JAKMIP1: variants seen among roughly 807,000 people sequenced by gnomAD.
JAKMIP1 encodes janus kinase and microtubule interacting protein 1.
Under a neutral mutation model 113.0 loss-of-function variants are expected in JAKMIP1, and 33 were observed. That is an observed-to-expected ratio of 0.29 (90% CI 0.22 to 0.39). JAKMIP1 has a LOEUF of 0.39. Among genes scored for constraint, JAKMIP1 ranks in the 10% least tolerant of loss-of-function variants. The pLI is 1.00. For synonymous variants in JAKMIP1, 480 were observed against 459.9 expected, an observed-to-expected ratio of 1.04 and a Z score of -0.56; for missense variants, 813 against 1,080.5, an observed-to-expected ratio of 0.75 and a Z score of 3.47.
In JAKMIP1 at chr4:6,183,070, C is replaced by A. The variant is rs1168749796; in HGVS notation, c.-148+17183G>T. Among the ~76,000 whole-genome samples the A allele has an allele frequency of 6.6e-6, 1 of 152,196 alleles. No individual in the cohort carries two copies. Among genetic ancestry groups the A allele is most frequent in the East Asian group, 1.9e-4 (1 of 5,188 alleles). ...AGGTCCCATCTTAGTAATACAAGGA[C>A]TCTTGAAGGTTGAGACAGAACAAAG... On this transcript the variant is annotated intron_variant, in intron 1 of 20. Coordinates refer to ENST00000409021, the MANE Select transcript of JAKMIP1 (RefSeq NM_001099433.2). The surrounding 1 kb of genome is among the most constrained non-coding windows in gnomAD (Gnocchi z 5.3).
At chr4:6,146,243 G>A (rs1464658353) in intron 1 of JAKMIP1, among the ~76,000 whole-genome samples, 3 of 131,500 alleles carry the variant, frequency 2.3e-5, no homozygotes, top group Non-Finnish European at 4.9e-5. Context: ...GGGAGGTTGC[G>A]GGGGGATGAG....
At chr4:6,122,396 G>C (rs572954694) in intron 1 of JAKMIP1, among the ~76,000 whole-genome samples, 3 of 152,262 alleles carry the variant, frequency 2.0e-5, no homozygotes, top group African/African-American at 7.2e-5. Context: ...CTTTGAAAGA[G>C]GTTAGGGTAC....
rs138117176 is a variant in JAKMIP1, at chr4:6,115,571, C to T, written c.-147-2574G>A. ...TACGGTGGAAAGGACATAGCAGCCA[C>T]GCCCCCAGGATACTGACAGGGACCA... is the stretch of plus-strand genomic sequence containing the variant. On this transcript the variant is annotated intron_variant, in intron 1 of 20. Coordinates refer to ENST00000409021, the MANE Select transcript of JAKMIP1 (RefSeq NM_001099433.2). Among the ~76,000 whole-genome samples the T allele has an allele frequency of 3.4e-3, 524 of 152,310 alleles. 4 individuals carry two copies. Among genetic ancestry groups the T allele is most frequent in the Middle Eastern group, 6.8e-3 (2 of 294 alleles).
At chr4:6,120,789 A>G (rs985230030) in intron 1 of JAKMIP1, among the ~76,000 whole-genome samples, 5 of 152,140 alleles carry the variant, frequency 3.3e-5, no homozygotes, top group African/African-American at 1.2e-4. Context: ...TGCGTCCTTT[A>G]TGGCCCAAGT....
At chr4:6,169,814 AC>A (rs1433756501) in intron 1 of JAKMIP1, among the ~76,000 whole-genome samples, 1 of 151,922 alleles carries the variant, frequency 6.6e-6, no homozygotes, top group Non-Finnish European at 1.5e-5. Context: ...TAGTGGTGGT[AC>A]CTACCTCATA....
chr4:6,198,528 G>T (rs777549080), intron 1 of JAKMIP1, among the ~76,000 whole-genome samples: 1 of 152,104 alleles, frequency 6.6e-6, no homozygotes. Context: ...TCATGCATTG[G>T]GTCCACACTG....
intron 1 of JAKMIP1, among the ~76,000 whole-genome samples, chr4:6,113,200 G>A (rs1025339170): frequency 6.6e-6 from 1 of 152,174 alleles, no homozygotes; most frequent in African/African-American, 2.4e-5. Flanking sequence ...CACCCCTAGA[G>A]AATCTGATTT....
chr4:6,115,843 C>A (rs13141355), intron 1 of JAKMIP1, among the ~76,000 whole-genome samples: 3 of 152,246 alleles, frequency 2.0e-5, no homozygotes, highest in East Asian at 3.9e-4. Context: ...CAGGATGGGG[C>A]GGCTGCAGGT....
At chr4:6,077,002 G>A (rs948846392) in intron 8 of JAKMIP1, among the ~76,000 whole-genome samples, 5 of 152,038 alleles carry the variant, frequency 3.3e-5, no homozygotes, top group South Asian at 2.1e-4. Flanking sequence ...TTTGGATTAC[G>A]GATGTTCAAC....
Position 6,181,355 on chromosome 4 carries a change from A to G in JAKMIP1, c.-148+18898T>C, listed in dbSNP as rs1725997747. Among the ~76,000 whole-genome samples the G allele has an allele frequency of 6.6e-6, 1 of 152,166 alleles. No individual in the cohort carries two copies. The highest frequency in any genetic ancestry group is 2.4e-5 in the African/African-American group (1 of 41,438). ...AGAGTAACACTAATTACAGGCCTGG[A>G]GTACATAAACCAAGATGAGCTTACT... is the stretch of plus-strand genomic sequence containing the variant. On this transcript the variant is annotated intron_variant, in intron 1 of 20. Transcript: ENST00000409021. The surrounding 1 kb of genome is among the most constrained non-coding windows in gnomAD (Gnocchi z 5.4).
rs537929459 is a variant in JAKMIP1, at chr4:6,153,478, A to C, written c.-147-40481T>G. ...GAGCCAACGGTGTTTCCCAAACCTC[A>C]GTCATCAGTTGCCGCCGCTGTGACT... On this transcript the variant is annotated intron_variant, in intron 1 of 20. Transcript: ENST00000409021. The surrounding 1 kb of genome is among the most constrained non-coding windows in gnomAD (Gnocchi z 4.9). 1.1e-4 allele frequency among the ~76,000 whole-genome samples: 16 copies of C among 152,344 alleles called. No homozygotes were observed. Among genetic ancestry groups the C allele is most frequent in the South Asian group, 2.1e-4 (1 of 4,824 alleles).
intron 5 of JAKMIP1, among the ~76,000 whole-genome samples, chr4:6,082,873 A>G (rs1017848593): frequency 6.6e-6 from 1 of 152,154 alleles, no homozygotes; most frequent in Non-Finnish European, 1.5e-5. Flanking sequence ...TATCCACACA[A>G]TGGACTACCA....
rs80319757 is a variant in JAKMIP1 at position 6,064,013 on chromosome 4, G to A, written c.1431+867C>T. On this transcript the variant is annotated intron_variant, in intron 9 of 20. Coordinates refer to ENST00000409021, the MANE Select transcript of JAKMIP1 (RefSeq NM_001099433.2). This position sits in a 1 kb window ranked among gnomAD's most constrained non-coding sequence, Gnocchi z 4.3. ...GAGGGCCAGCTGCCCCGGCATATCC[G>A]CACCCCCTTCCCACTCTTGCTCTTC... 4.6e-5 allele frequency among the ~76,000 whole-genome samples: 7 copies of A among 152,156 alleles called. No individual in the cohort carries two copies. In the East Asian group the frequency reaches 7.7e-4, roughly 17 times the overall value.
At chr4:6,105,225 G>C (rs1713700681) in intron 3 of JAKMIP1, among the ~76,000 whole-genome samples, 1 of 152,190 alleles carries the variant, frequency 6.6e-6, no homozygotes, top group Admixed American at 6.5e-5. Flanking sequence ...ACGCTATCAC[G>C]AGGCATTTGC....
At chr4:6,163,842 C>T (rs1723249660) in intron 1 of JAKMIP1, among the ~76,000 whole-genome samples, 1 of 152,200 alleles carries the variant, frequency 6.6e-6, no homozygotes. Context: ...CCAGTTACAA[C>T]ACTCCCTTAA....
rs138828034 is a variant in JAKMIP1 at position 6,172,890 on chromosome 4, G to A, written c.-148+27363C>T. Among the ~76,000 whole-genome samples the A allele has an allele frequency of 4.6e-5, 7 of 152,188 alleles. No homozygotes were observed. The East Asian group carries it at 1.2e-3, about 25-fold the overall frequency. On this transcript the variant is annotated intron_variant, in intron 1 of 20. Transcript: ENST00000409021. ...AGAGGGTGAAACAGGAACAGCTGCC[G>A]CTCTCACACTACCCAAGATCAGTCA...
intron 1 of JAKMIP1, among the ~76,000 whole-genome samples, chr4:6,120,569 C>T (rs1264821016): frequency 1.3e-5 from 2 of 152,234 alleles, no homozygotes; most frequent in African/African-American, 4.8e-5. Flanking sequence ...GGCATGTGAG[C>T]CCTGCCGGGC....
intron 1 of JAKMIP1, among the ~76,000 whole-genome samples, chr4:6,152,251 A>G (rs537385667): frequency 2.3e-4 from 35 of 152,170 alleles, no homozygotes; most frequent in African/African-American, 8.2e-4. Flanking sequence ...AAAAAGGTGA[A>G]ATTTCTTCCA....
chr4:6,071,054 A>G (rs1718886290), intron 8 of JAKMIP1, among the ~76,000 whole-genome samples: 1 of 152,292 alleles, frequency 6.6e-6, no homozygotes, highest in Admixed American at 6.5e-5. Flanking sequence ...TGGATAATTC[A>G]TAAAAGAAAT....
Sources: gnomAD v4.1 joint callset for allele counts (sites outside exome capture counted in the v4.1 genomes callset) on GRCh38, gnomAD v4.1.1 for gene constraint, Gnocchi (gnomAD v3.1) non-coding constraint, MANE v1.5 for transcripts, NCBI Gene and HGNC (gene_info 2026-07-23, HGNC 2026-07-21) for gene names.